TMEM232: variants seen among roughly 807,000 people sequenced by gnomAD.
TMEM232 encodes the protein transmembrane protein 232.
Under a neutral mutation model 78.8 loss-of-function variants are expected in TMEM232, and 80 were observed. That is an observed-to-expected ratio of 1.01 (90% CI 0.85 to 1.22). The LOEUF (loss-of-function observed/expected upper bound fraction) is 1.22. Among genes scored for constraint, TMEM232 ranks in the 50% most tolerant of loss-of-function variants. The pLI, the probability that TMEM232 is intolerant of heterozygous loss-of-function variation, is 0.00. For synonymous variants in TMEM232, 297 were observed against 254.3 expected (o/e 1.17, Z -1.60); for missense variants, 881 against 742.2 (o/e 1.19, Z -2.17).
downstream of TMEM232, chr5:110,417,532 T>A (rs930699338): frequency 5.3e-4 from 80 of 152,114 alleles, no homozygotes; most frequent in African/African-American, 1.8e-3. Context: ...AATTAAGAAT[T>A]AGTTATTAAA....
At chr5:110,561,069 T>A (rs1775680751) in intron 11 of TMEM232, among the ~76,000 whole-genome samples, 1 of 152,162 alleles carries the variant, frequency 6.6e-6, no homozygotes. Context: ...GCAAAATTAT[T>A]ACATAAAATT....
intron 12 of TMEM232, among the ~76,000 whole-genome samples, chr5:110,440,073 C>T (rs1240846116): frequency 6.6e-6 from 1 of 151,972 alleles, no homozygotes; most frequent in East Asian, 1.9e-4. Context: ...ATAATGTGCC[C>T]CCAGGCAGAG....
rs3985014 is a variant in TMEM232 at position 110,726,108 on chromosome 5, T to TCACACACACACACACA, written c.-13+503_-13+518dup. Reference sequence around the variant, plus strand: ...TCTCCAATATACCCCCCTCTCTCTTTCACACACACACACACACACACACAC... The same window carrying TCACACACACACACACA: ...TCTCCAATATACCCCCCTCTCTCTTTCACACACACACACACACACACACACACACACACACACACAC... On this transcript the variant is annotated intron_variant, in intron 1 of 13. Coordinates refer to ENST00000455884, the MANE Select transcript of TMEM232 (RefSeq NM_001039763.4). Among the ~76,000 whole-genome samples the TCACACACACACACACA allele has an allele frequency of 1.8e-3, 261 of 144,628 alleles. 1 individual carries two copies. Among genetic ancestry groups the TCACACACACACACACA allele is most frequent in the African/African-American group, 6.4e-3 (249 of 39,172 alleles). The allele number at this position is 144,628 out of a possible 152,430, so 94.9% of individuals were successfully genotyped here. A position where few individuals can be genotyped will look rare whatever the true frequency, so the allele number is the denominator to read the frequency against.
At chr5:110,590,437 C>T (rs898272737) in intron 10 of TMEM232, among the ~76,000 whole-genome samples, 2 of 152,122 alleles carry the variant, frequency 1.3e-5, no homozygotes, top group African/African-American at 4.8e-5. Flanking sequence ...ATTACATTCT[C>T]ATAGGAACAT....
At chr5:110,388,770 A>T (rs186652400) in intron 4 of TMEM232, among the ~76,000 whole-genome samples, 24 of 152,166 alleles carry the variant, frequency 1.6e-4, no homozygotes, top group Non-Finnish European at 2.1e-4. Context: ...AGAACCCAAG[A>T]CTCTTAAGCA....
At chr5:110,561,208 A>C (rs1775694996) in intron 11 of TMEM232, among the ~76,000 whole-genome samples, 2 of 152,136 alleles carry the variant, frequency 1.3e-5, no homozygotes, top group Admixed American at 6.6e-5. Context: ...ACTGGGAAGA[A>C]TGTTTAAGAG....
intron 1 of TMEM232, among the ~76,000 whole-genome samples, chr5:110,694,646 G>T (rs987388586): frequency 6.6e-6 from 1 of 151,970 alleles, no homozygotes; most frequent in Non-Finnish European, 1.5e-5. Flanking sequence ...AAAGGCAGGG[G>T]TTGCAATCCT....
At chr5:110,507,307 C>A (rs1767024751) in intron 12 of TMEM232, among the ~76,000 whole-genome samples, 1 of 152,110 alleles carries the variant, frequency 6.6e-6, no homozygotes, top group Admixed American at 6.6e-5. Flanking sequence ...GTGGTTGATT[C>A]TTTGGCCATC....
chr5:110,646,776 A>G (rs1236616987), intron 2 of TMEM232, among the ~76,000 whole-genome samples: 1 of 151,882 alleles, frequency 6.6e-6, no homozygotes, highest in Admixed American at 6.6e-5. Flanking sequence ...AAATACTTGC[A>G]AACCATGTAT....
At chr5:110,647,865 C>T (rs1164270525) in intron 2 of TMEM232, among the ~76,000 whole-genome samples, 1 of 151,940 alleles carries the variant, frequency 6.6e-6, no homozygotes, top group Non-Finnish European at 1.5e-5. Flanking sequence ...TTATCAGCCC[C>T]CACACTATAT....
intron 2 of TMEM232, among the ~76,000 whole-genome samples, chr5:110,410,988 G>A (rs1344377206): frequency 6.6e-6 from 1 of 152,140 alleles, no homozygotes. Context: ...CTCTCAGCCT[G>A]TGAGACCTTC....
At chr5:110,535,671 T>C (rs115025825) in intron 11 of TMEM232, among the ~76,000 whole-genome samples, 3,119 of 152,250 alleles carry the variant, frequency 0.02, 79 homozygotes, top group African/African-American at 0.058. Context: ...AATGAAGATA[T>C]TATGGTGAAC....
intron 7 of TMEM232, among the ~76,000 whole-genome samples, chr5:110,619,514 A>C (rs1039238772): frequency 2.6e-5 from 4 of 152,204 alleles, no homozygotes; most frequent in African/African-American, 9.6e-5. Context: ...ACATCTGTAC[A>C]AAGCTACTGA....
At chr5:110,526,131 T>C (rs1020491711) in intron 12 of TMEM232, among the ~76,000 whole-genome samples, 3 of 150,598 alleles carry the variant, frequency 2.0e-5, no homozygotes, top group African/African-American at 7.3e-5. Flanking sequence ...TTTTGTCAAA[T>C]TCTGTCATTT....
chr5:110,719,140 T>C (rs1251475809), intron 1 of TMEM232, among the ~76,000 whole-genome samples: 2 of 151,956 alleles, frequency 1.3e-5, no homozygotes, highest in Admixed American at 6.6e-5. Context: ...TTGACTGAAA[T>C]ACTATGAAGT....
intron 1 of TMEM232, among the ~76,000 whole-genome samples, chr5:110,723,944 T>C (rs979250084): frequency 6.6e-6 from 1 of 152,122 alleles, no homozygotes; most frequent in Non-Finnish European, 1.5e-5. Flanking sequence ...ACCAGGAAGA[T>C]GAAAACCACA....
intron 11 of TMEM232, among the ~76,000 whole-genome samples, chr5:110,538,591 G>A (rs578044663): frequency 6.6e-6 from 1 of 152,218 alleles, no homozygotes; most frequent in Admixed American, 6.5e-5. Context: ...TGTCAAAAAT[G>A]TGAGGGCACC....
chr5:110,709,302 C>A (rs1320767222), intron 1 of TMEM232, among the ~76,000 whole-genome samples: 1 of 152,092 alleles, frequency 6.6e-6, no homozygotes, highest in African/African-American at 2.4e-5. Flanking sequence ...TTCAATACCC[C>A]ACTTTCAGCA....
At chr5:110,493,713 T>A (rs892441688) in intron 12 of TMEM232, among the ~76,000 whole-genome samples, 1 of 152,066 alleles carries the variant, frequency 6.6e-6, no homozygotes, top group Non-Finnish European at 1.5e-5. Flanking sequence ...TTTAAGCTCT[T>A]GGGAAAAAGT....
Sources: allele counts gnomAD v4.1 joint callset (sites outside exome capture counted in the v4.1 genomes callset), GRCh38; gene constraint gnomAD v4.1.1; transcripts MANE v1.5; gene names NCBI Gene and HGNC (gene_info 2026-07-23, HGNC 2026-07-21).